PTPRG: variants seen among roughly 807,000 people sequenced by gnomAD.
PTPRG encodes the protein receptor-type tyrosine-protein phosphatase gamma.
A neutral mutation model predicts 165.3 loss-of-function variants in PTPRG; 102 were observed. That is an observed-to-expected ratio of 0.62 (90% CI 0.53 to 0.73). PTPRG has a LOEUF of 0.73. PTPRG is among the 30% of genes least tolerant of loss of function. The pLI is 0.00. For missense variants in PTPRG, 1,866 were observed against 1,861.4 expected (o/e 1.00, Z -0.05); for synonymous variants, 675 against 669.5 (o/e 1.01, Z -0.13).
chr3:61,619,605 C>G (rs911089527), intron 1 of PTPRG, among the ~76,000 whole-genome samples: 2 of 152,178 alleles, frequency 1.3e-5, no homozygotes, highest in African/African-American at 4.8e-5. Context: ...CTTTTTGTCT[C>G]ACTGCAAAAA....
intron 2 of PTPRG, among the ~76,000 whole-genome samples, chr3:61,964,259 G>A (rs1432647038): frequency 6.6e-5 from 10 of 152,186 alleles, no homozygotes; most frequent in Admixed American, 6.5e-4. Context: ...GATATTGGCA[G>A]GATGGCTTTA....
At chr3:61,566,509 ACTT>A (rs1183595567) in intron 1 of PTPRG, among the ~76,000 whole-genome samples, 20 of 151,786 alleles carry the variant, frequency 1.3e-4, no homozygotes, top group African/African-American at 4.4e-4. Context: ...TTTCCTGGAG[ACTT>A]CTTTTCTTTT....
chr3:62,146,285 AAAG>A (rs1451043439), intron 6 of PTPRG, among the ~76,000 whole-genome samples: 1 of 152,204 alleles, frequency 6.6e-6, no homozygotes, highest in East Asian at 1.9e-4. Flanking sequence ...AACCTCTAAT[AAAG>A]TTGGAGGAGG....
intron 5 of PTPRG, among the ~76,000 whole-genome samples, chr3:62,088,379 G>A (rs1701819838): frequency 6.6e-6 from 1 of 152,134 alleles, no homozygotes; most frequent in African/African-American, 2.4e-5. Context: ...GGTCAGTTAG[G>A]GCTATTTGGG....
intron 1 of PTPRG, among the ~76,000 whole-genome samples, chr3:61,715,511 G>C (rs189800828): frequency 6.6e-6 from 1 of 152,202 alleles, no homozygotes; most frequent in African/African-American, 2.4e-5. Context: ...GAGCCACCGC[G>C]TCTGGCCCTC....
At chr3:61,760,219 G>T (rs1575641156) in intron 2 of PTPRG, among the ~76,000 whole-genome samples, 1 of 152,114 alleles carries the variant, frequency 6.6e-6, no homozygotes, top group Non-Finnish European at 1.5e-5. Flanking sequence ...ATGACAAAGG[G>T]TATAATAATT....
At chr3:61,563,476 C>T (rs767613659) in intron 1 of PTPRG, among the ~76,000 whole-genome samples, 32 of 152,136 alleles carry the variant, frequency 2.1e-4, no homozygotes, top group Non-Finnish European at 3.2e-4. Context: ...GCAGCAGCCC[C>T]GAGCTCCCTC....
At chr3:62,084,072 T>C (rs1161827795) in intron 5 of PTPRG, among the ~76,000 whole-genome samples, 1 of 152,242 alleles carries the variant, frequency 6.6e-6, no homozygotes, top group East Asian at 1.9e-4. Context: ...CAAGAGCATC[T>C]ACATTAAGAA....
chr3:62,243,801 A>G lies in PTPRG; in HGVS notation c.2376-6A>G, dbSNP rs371953681. 12 of 1,552,154 alleles carry G rather than the reference A, an allele frequency of 7.7e-6. No homozygotes were observed. The African/African-American group carries it at 1.6e-4, about 21-fold the overall frequency. ...TTATTGACATGTTTTTCTCTTTTCT[A>G]CACAGAAAATGTTTTCAGACTGCTC... On this transcript the variant is annotated splice_polypyrimidine_tract_variant and splice_region_variant and intron_variant, in intron 14 of 29. Transcript: ENST00000474889.
chr3:62,063,050 A>G (rs941025985), intron 4 of PTPRG, among the ~76,000 whole-genome samples: 4 of 152,234 alleles, frequency 2.6e-5, no homozygotes, highest in Admixed American at 1.3e-4. Flanking sequence ...TTAAGTCATC[A>G]TCATTCAAAT....
chr3:61,995,034 G>A (rs1035823540), intron 3 of PTPRG, among the ~76,000 whole-genome samples: 2 of 151,170 alleles, frequency 1.3e-5, no homozygotes, highest in South Asian at 4.2e-4. Context: ...ACTTTAGATG[G>A]GTACCTTACA....
At chr3:62,098,462 G>A (rs1005092091) in intron 5 of PTPRG, among the ~76,000 whole-genome samples, 3 of 152,066 alleles carry the variant, frequency 2.0e-5, no homozygotes, top group Non-Finnish European at 4.4e-5. Context: ...GGGGTTCCTA[G>A]AACCAATCAC....
rs557806278 is a variant in PTPRG at position 62,211,734 on chromosome 3, G to A, written c.2156-7117G>A. Reference sequence around the variant, plus strand: ...GCCTCTTGGATCCAAGCTAGTTTTAGTCTTGACACCAGAGCGGTTCTTGTC... The same window carrying A: ...GCCTCTTGGATCCAAGCTAGTTTTAATCTTGACACCAGAGCGGTTCTTGTC... On this transcript the variant is annotated intron_variant, in intron 12 of 29. Transcript: ENST00000474889. Among the ~76,000 whole-genome samples, 5 of 152,210 alleles carry A rather than the reference G, an allele frequency of 3.3e-5. No individual in the cohort carries two copies. The East Asian group carries it at 9.7e-4, about 29-fold the overall frequency.
intron 2 of PTPRG, among the ~76,000 whole-genome samples, chr3:61,931,358 T>A (rs1260234174): frequency 2.0e-5 from 3 of 152,256 alleles, no homozygotes; most frequent in Non-Finnish European, 2.9e-5. Context: ...TCTGGAATCC[T>A]GCTTGATGAT....
chr3:61,858,734 A>T (rs2037181619), intron 2 of PTPRG, among the ~76,000 whole-genome samples: 1 of 152,160 alleles, frequency 6.6e-6, no homozygotes, highest in Non-Finnish European at 1.5e-5. Flanking sequence ...AAAATAGGGC[A>T]GCTCAATGCC....
At chr3:62,081,501 G>A (rs1011470900) in intron 5 of PTPRG, among the ~76,000 whole-genome samples, 8 of 151,952 alleles carry the variant, frequency 5.3e-5, no homozygotes, top group African/African-American at 1.7e-4. Context: ...AGGCCACCAT[G>A]TCCGGCTAAT....
rs1239629138 is a variant in PTPRG at position 62,281,614 on chromosome 3, G to A, written c.3817G>A (p.Glu1273Lys). The A allele has an allele frequency of 6.4e-7, 1 of 1,566,464 alleles. No individual in the cohort carries two copies. The highest frequency in any genetic ancestry group is 8.7e-7 in the Non-Finnish European group (1 of 1,155,786). Reference protein sequence around the residue: ...WPSREESMNCEAFTVTLISKD... With the variant: ...WPSREESMNCKAFTVTLISKD... ...AAGTCGAGAAGAATCCATGAACTGT[G>A]AGGCCTTTACCGTCACCCTTATCAG... The change falls in exon 27 of 30, where the codon GAG (glutamate) becomes AAG (lysine). Residue 1273 changes from glutamate to lysine, a missense_variant. Coordinates refer to ENST00000474889, the MANE Select transcript of PTPRG (RefSeq NM_002841.4).
chr3:62,096,163 T>C (rs1702100964), intron 5 of PTPRG, among the ~76,000 whole-genome samples: 1 of 151,936 alleles, frequency 6.6e-6, no homozygotes, highest in Admixed American at 6.6e-5. Context: ...TCGGGAAAAA[T>C]GATATCTTTC....
At chr3:62,281,830 T>A in intron 27 of PTPRG, 121 bp downstream of exon 27, 1 of 968,480 alleles carries the variant, frequency 1.0e-6, no homozygotes. Flanking sequence ...AAGACTTAAT[T>A]TTAAATATGT....
Sources: gnomAD v4.1 joint callset for allele counts (sites outside exome capture counted in the v4.1 genomes callset) on GRCh38, gnomAD v4.1.1 for gene constraint, MANE v1.5 for transcripts, NCBI Gene and HGNC (gene_info 2026-07-23, HGNC 2026-07-21) for gene names.